The following MYO3B variants were observed in gnomAD, a reference collection of about 807,000 sequenced individuals.
MYO3B encodes the protein myosin IIIB.
Under a neutral mutation model 174.6 loss-of-function variants are expected in MYO3B, and 156 were observed. The ratio of observed to expected loss-of-function variants is 0.89; its 90% CI spans 0.78 to 1.02. The LOEUF is 1.02. Among genes scored for constraint, MYO3B ranks in the 50% least tolerant of loss-of-function variants. The pLI, the probability that MYO3B is intolerant of heterozygous loss-of-function variation, is 0.00. For missense variants in MYO3B, 1,632 were observed against 1,639.4 expected (o/e 1.00, Z 0.08); for synonymous variants, 563 against 569.1 (o/e 0.99, Z 0.15).
At chr2:170,282,423 GT>G (rs1559357467) in intron 7 of MYO3B, among the ~76,000 whole-genome samples, 2 of 152,182 alleles carry the variant, frequency 1.3e-5, no homozygotes, top group Non-Finnish European at 2.9e-5. Context: ...AAATATGTAG[GT>G]TTACTTTGGG....
Position 170,387,279 on chromosome 2 carries a change from G to A in MYO3B, c.1548G>A (p.Leu516=). Residue 516 remains leucine, a synonymous_variant, in exon 14 of 35, where the codon CTG becomes CTA. Transcript: ENST00000408978. ...GGGCAAGAATCTCTGAATATCTCCT[G>A]GAAAAATCCAGAGTTATAAAACAGG... ...VMGARISEYL[L]EKSRVIKQAA... The A allele has an allele frequency of 6.2e-7, 1 of 1,614,050 alleles. No individual in the cohort carries two copies. Among genetic ancestry groups the A allele is most frequent in the Non-Finnish European group, 8.5e-7 (1 of 1,179,956 alleles).
rs565960903 is a variant in MYO3B, at chr2:170,564,449, G to A, written c.3733+20461G>A. Among the ~76,000 whole-genome samples the A allele has an allele frequency of 3.9e-5, 6 of 152,268 alleles. No homozygotes were observed. The South Asian group carries it at 1.2e-3, about 32-fold the overall frequency. ...GATCGCACCACTGCACTCCAGCCTG[G>A]GCAATGGAACGAGCCTCCATCTCAA... On this transcript the variant is annotated intron_variant, in intron 32 of 34. Transcript: ENST00000408978.
At chr2:170,186,603 TCA>T (rs1355481217) in intron 1 of MYO3B, among the ~76,000 whole-genome samples, 1 of 152,188 alleles carries the variant, frequency 6.6e-6, no homozygotes, top group African/African-American at 2.4e-5. Context: ...TGTGCCTTTG[TCA>T]GGTTTTGGTA....
chr2:170,522,075 C>T (rs1175155241), intron 30 of MYO3B, among the ~76,000 whole-genome samples: 1 of 152,158 alleles, frequency 6.6e-6, no homozygotes, highest in Non-Finnish European at 1.5e-5. Context: ...TTCTTCTTCT[C>T]TTCCGCTTAC....
At chr2:170,608,654 T>G (rs2106357016) in intron 32 of MYO3B, among the ~76,000 whole-genome samples, 1 of 151,490 alleles carries the variant, frequency 6.6e-6, no homozygotes, top group East Asian at 1.9e-4. Flanking sequence ...TTCAGCTGGC[T>G]TATTCAAGCC....
At chr2:170,595,754 G>A (rs913785997) in intron 32 of MYO3B, among the ~76,000 whole-genome samples, 2 of 152,026 alleles carry the variant, frequency 1.3e-5, no homozygotes, top group African/African-American at 4.8e-5. Context: ...TGCTTTAAGG[G>A]TATTCCGAGC....
At chr2:170,518,552 G>T (rs1210350974) in intron 29 of MYO3B, among the ~76,000 whole-genome samples, 4 of 152,172 alleles carry the variant, frequency 2.6e-5, no homozygotes, top group African/African-American at 7.2e-5. Context: ...ATGTCTAGGG[G>T]CTGGTCCTAG....
At chr2:170,323,915 A>G (rs1399096715) in intron 7 of MYO3B, among the ~76,000 whole-genome samples, 1 of 152,202 alleles carries the variant, frequency 6.6e-6, no homozygotes, top group Non-Finnish European at 1.5e-5. Flanking sequence ...GAGACCCATG[A>G]ATCAGCTCCC....
intron 1 of MYO3B, among the ~76,000 whole-genome samples, chr2:170,182,614 C>CTTTTTTTT (rs3066879): frequency 7.4e-6 from 1 of 135,628 alleles, no homozygotes. Context: ...TTTTCTGTTT[C>CTTTTTTTT]TTTTTTTTTT....
Position 170,543,781 on chromosome 2 carries a change from C to G in MYO3B, c.3637-111C>G, listed in dbSNP as rs891523792. 4.2e-6 allele frequency: 3 copies of G among 712,186 alleles called. No individual in the cohort carries two copies. The African/African-American group carries it at 5.4e-5, about 13-fold the overall frequency. The allele number at this position is 712,186 out of a possible 1,614,324, so 44.1% of individuals were successfully genotyped here. A position where few individuals can be genotyped will look rare whatever the true frequency, so the allele number is the denominator to read the frequency against. On this transcript the variant is annotated intron_variant, in intron 31 of 34. Transcript: ENST00000408978. ...TACAAATGATTCCAGTATACTTAGC[C>G]TCTTGCTTTTAGTCAGGTTTAAGTG...
intron 22 of MYO3B, among the ~76,000 whole-genome samples, chr2:170,419,988 T>G (rs995524993): frequency 1.3e-5 from 2 of 152,036 alleles, no homozygotes; most frequent in African/African-American, 4.8e-5. Flanking sequence ...TTCAAGACCA[T>G]CCTGGCCAAC....
intron 1 of MYO3B, among the ~76,000 whole-genome samples, chr2:170,182,372 A>G (rs1574534912): frequency 6.6e-6 from 1 of 152,078 alleles, no homozygotes; most frequent in Admixed American, 6.5e-5. Flanking sequence ...ATTGAACAGT[A>G]TTATTTAGTC....
intron 19 of MYO3B, among the ~76,000 whole-genome samples, chr2:170,403,311 C>T (rs2094490162): frequency 6.6e-6 from 1 of 152,092 alleles, no homozygotes; most frequent in Non-Finnish European, 1.5e-5. Context: ...TGATTGCGTT[C>T]AAAATGACAC....
intron 32 of MYO3B, among the ~76,000 whole-genome samples, chr2:170,572,301 GC>G (rs1692487781): frequency 6.6e-6 from 1 of 151,884 alleles, no homozygotes; most frequent in Non-Finnish European, 1.5e-5. Flanking sequence ...GGTGGCGGGT[GC>G]CTATAATCCC....
At chr2:170,238,617 G>T (rs13403243) in intron 7 of MYO3B, among the ~76,000 whole-genome samples, 3,881 of 151,564 alleles carry the variant, frequency 0.026, 189 homozygotes, top group African/African-American at 0.089. Context: ...TTCTTTACTG[G>T]AAATAAATTG....
At chr2:170,629,654 A>C (rs184269199) in intron 32 of MYO3B, among the ~76,000 whole-genome samples, 23 of 152,272 alleles carry the variant, frequency 1.5e-4, no homozygotes, top group African/African-American at 5.5e-4. Context: ...GTTCAAGACC[A>C]GCCTGGGCAA....
chr2:170,646,056 G>A (rs1409081940), intron 32 of MYO3B, among the ~76,000 whole-genome samples: 1 of 152,084 alleles, frequency 6.6e-6, no homozygotes, highest in Non-Finnish European at 1.5e-5. Context: ...TGGATCACCT[G>A]AGGTCGGGAG....
chr2:170,616,552 C>G (rs1461445580), intron 32 of MYO3B, among the ~76,000 whole-genome samples: 1 of 152,194 alleles, frequency 6.6e-6, no homozygotes, highest in East Asian at 1.9e-4. Context: ...AGGGGGTCTC[C>G]TTACATCTCC....
Position 170,607,992 on chromosome 2 carries a change from T to G in MYO3B, c.3734-43636T>G, listed in dbSNP as rs74991896. ...TAGGGGTCACTGACTTTCGATGTTC[T>G]GTTTTAAGTTTGTACACTTTTAAGG... On this transcript the variant is annotated intron_variant, in intron 32 of 34. Coordinates refer to ENST00000408978, the MANE Select transcript of MYO3B (RefSeq NM_138995.5). Among the ~76,000 whole-genome samples, 202 of 152,356 alleles carry G rather than the reference T, an allele frequency of 1.3e-3. 2 individuals are homozygous for G. The East Asian group carries it at 0.027, about 21-fold the overall frequency.
Sources: allele counts gnomAD v4.1 joint callset (sites outside exome capture counted in the v4.1 genomes callset), GRCh38; gene constraint gnomAD v4.1.1; transcripts MANE v1.5; gene names NCBI Gene and HGNC (gene_info 2026-07-23, HGNC 2026-07-21).